Variants in PACRG observed in about 807,000 individuals in gnomAD.
PACRG encodes parkin coregulated.
PACRG carries 29 observed loss-of-function variants against 29.7 expected under a neutral mutation model. The ratio of observed to expected loss-of-function variants is 0.98; its 90% CI spans 0.73 to 1.33. The LOEUF is 1.33. Among genes scored for constraint, PACRG ranks in the 40% most tolerant of loss-of-function variants. PACRG has a pLI of 0.00. For synonymous variants in PACRG, 116 were observed against 118.7 expected, an observed-to-expected ratio of 0.98 and a Z score of 0.15; for missense variants, 279 against 316.2, an observed-to-expected ratio of 0.88 and a Z score of 0.89.
intron 1 of PACRG, among the ~76,000 whole-genome samples, chr6:162,754,395 T>C (rs1418099819): frequency 6.6e-6 from 1 of 152,200 alleles, no homozygotes; most frequent in African/African-American, 2.4e-5. Flanking sequence ...TTGCAAATAT[T>C]GTCTCCCATT....
intron 4 of PACRG, among the ~76,000 whole-genome samples, chr6:163,269,997 AAGAAAGAAAGG>A (rs1783760745): frequency 8.1e-6 from 1 of 123,020 alleles, no homozygotes; most frequent in Admixed American, 7.6e-5. Context: ...GAAAGAAAGA[AAGAAAGAAAGG>A]AGGGAGGGAG....
At chr6:163,052,629 T>C (rs1810136268) in intron 2 of PACRG, among the ~76,000 whole-genome samples, 1 of 152,166 alleles carries the variant, frequency 6.6e-6, no homozygotes, top group Non-Finnish European at 1.5e-5. Context: ...GATTATAAGT[T>C]TCCTGAGGCC....
intron 3 of PACRG, among the ~76,000 whole-genome samples, chr6:163,088,073 A>G (rs1813760578): frequency 6.6e-6 from 1 of 152,172 alleles, no homozygotes. Context: ...TCAGGGAGGA[A>G]ATTTAGTCTT....
intron 2 of PACRG, among the ~76,000 whole-genome samples, chr6:162,846,724 C>T (rs1336354338): frequency 6.6e-6 from 1 of 152,242 alleles, no homozygotes; most frequent in Non-Finnish European, 1.5e-5. Context: ...CTTTCATCCA[C>T]TTTTGGCTTT....
intron 2 of PACRG, among the ~76,000 whole-genome samples, chr6:162,962,003 C>G (rs1482908373): frequency 6.6e-6 from 1 of 152,016 alleles, no homozygotes; most frequent in Non-Finnish European, 1.5e-5. Flanking sequence ...ATTTGCATCA[C>G]TGCTAAACTT....
chr6:162,900,762 C>A (rs1795503507), intron 2 of PACRG, among the ~76,000 whole-genome samples: 1 of 152,160 alleles, frequency 6.6e-6, no homozygotes, highest in African/African-American at 2.4e-5. Context: ...TCTGCCCCAG[C>A]GCCTTTCCTG....
At chr6:162,745,419 C>T (rs1253341056) in intron 1 of PACRG, among the ~76,000 whole-genome samples, 2 of 152,012 alleles carry the variant, frequency 1.3e-5, no homozygotes, top group Non-Finnish European at 2.9e-5. Flanking sequence ...AGCATCAGGA[C>T]AAATAGCTAA....
chr6:163,211,726 C>T (rs772113853), intron 4 of PACRG, among the ~76,000 whole-genome samples: 2 of 152,206 alleles, frequency 1.3e-5, no homozygotes, highest in African/African-American at 2.4e-5. Context: ...TGTAAGCAGT[C>T]GAAATGGTTG....
chr6:163,271,293 G>A (rs1018760342), intron 4 of PACRG, among the ~76,000 whole-genome samples: 2 of 151,916 alleles, frequency 1.3e-5, no homozygotes, highest in Non-Finnish European at 2.9e-5. Flanking sequence ...TCCCAGGACC[G>A]ACTCAAATGT....
intron 2 of PACRG, among the ~76,000 whole-genome samples, chr6:162,969,172 T>A (rs561139974): frequency 6.8e-4 from 103 of 152,086 alleles, no homozygotes; most frequent in Non-Finnish European, 1.2e-3. Context: ...GTACTTGGTA[T>A]AGATTTTCAT....
At chr6:162,879,893 AC>A (rs1793690477) in intron 2 of PACRG, among the ~76,000 whole-genome samples, 1 of 152,220 alleles carries the variant, frequency 6.6e-6, no homozygotes, top group Non-Finnish European at 1.5e-5. Context: ...TGATATATCT[AC>A]AAAACACCTC....
In PACRG at chr6:162,829,939, A is replaced by G. The variant is rs148237343; in HGVS notation, c.291+15658A>G. 3.5e-3 allele frequency among the ~76,000 whole-genome samples: 536 copies of G among 152,226 alleles called. 3 individuals are homozygous for G. The highest frequency in any genetic ancestry group is 0.012 in the African/African-American group (498 of 41,524). On this transcript the variant is annotated intron_variant, in intron 2 of 4. Coordinates refer to ENST00000366888, the MANE Select transcript of PACRG (RefSeq NM_001080379.2). ...ATGCCTTCTCATTATTATTTATTCA[A>G]ATGGGACCCTAACACAAAACCAATG... is the stretch of plus-strand genomic sequence containing the variant.
intron 1 of PACRG, among the ~76,000 whole-genome samples, chr6:162,764,027 G>A (rs1247961447): frequency 6.6e-6 from 1 of 152,136 alleles, no homozygotes; most frequent in Non-Finnish European, 1.5e-5. Flanking sequence ...TGTAATTCCA[G>A]TATTTTGGGA....
intron 2 of PACRG, among the ~76,000 whole-genome samples, chr6:162,833,357 C>T (rs1788944556): frequency 6.6e-6 from 1 of 152,160 alleles, no homozygotes; most frequent in Non-Finnish European, 1.5e-5. Flanking sequence ...GTAACTGCCT[C>T]ATTCAGAGAA....
At chr6:162,733,265 A>G (rs1408532602) in intron 1 of PACRG, among the ~76,000 whole-genome samples, 2 of 152,100 alleles carry the variant, frequency 1.3e-5, no homozygotes, top group Non-Finnish European at 2.9e-5. Context: ...TCCTTTATTC[A>G]TTGTGTTCTA....
intron 1 of PACRG, among the ~76,000 whole-genome samples, chr6:162,806,013 G>A (rs1392678734): frequency 6.6e-6 from 1 of 152,070 alleles, no homozygotes; most frequent in Non-Finnish European, 1.5e-5. Context: ...GGTAAATCCT[G>A]AATCTTTTGC....
chr6:163,263,658 A>G lies in PACRG; in HGVS notation c.614-51169A>G, dbSNP rs577834988. Among the ~76,000 whole-genome samples, 249 of 152,344 alleles carry G rather than the reference A, an allele frequency of 1.6e-3. 1 individual carries two copies. Among genetic ancestry groups the G allele is most frequent in the African/African-American group, 5.6e-3 (232 of 41,588 alleles). On this transcript the variant is annotated intron_variant, in intron 4 of 4. Transcript: ENST00000366888. ...CAGTCAGGTTAAAAATCACATTTTCATTGAAACAGTTTATGAAAAGCCTAT... is the reference window on the plus strand; with the variant it reads ...CAGTCAGGTTAAAAATCACATTTTCGTTGAAACAGTTTATGAAAAGCCTAT...
At chr6:163,217,638 A>T (rs1051974026) in intron 4 of PACRG, among the ~76,000 whole-genome samples, 1 of 152,086 alleles carries the variant, frequency 6.6e-6, no homozygotes, top group African/African-American at 2.4e-5. Context: ...GCTTCATTTC[A>T]TCTCTATTTA....
chr6:163,058,448 T>A (rs1003999325), intron 2 of PACRG, among the ~76,000 whole-genome samples: 2 of 152,124 alleles, frequency 1.3e-5, no homozygotes, highest in African/African-American at 4.8e-5. Context: ...ACAACAGATA[T>A]TTGCAAATAA....
Sources: allele counts gnomAD v4.1 joint callset (sites outside exome capture counted in the v4.1 genomes callset), GRCh38; gene constraint gnomAD v4.1.1; transcripts MANE v1.5; gene names NCBI Gene and HGNC (gene_info 2026-07-23, HGNC 2026-07-21).